The following LDHAL6A variants were observed in gnomAD, a reference collection of about 807,000 sequenced individuals.
LDHAL6A encodes the protein lactate dehydrogenase A like 6A, also known as L-lactate dehydrogenase A-like 6A.
LDHAL6A carries 19 observed loss-of-function variants against 28.2 expected under a neutral mutation model. The ratio of observed to expected loss-of-function variants is 0.67; its 90% CI spans 0.47 to 0.99. LDHAL6A has a LOEUF of 0.99. LDHAL6A is among the 50% of genes least tolerant of loss of function. The pLI is 0.00. For missense variants in LDHAL6A, 372 were observed against 398.6 expected (o/e 0.93, Z 0.57); for synonymous variants, 144 against 134.4 (o/e 1.07, Z -0.49).
chr11:18,460,707 C>T (rs995488585), intron 1 of LDHAL6A, among the ~76,000 whole-genome samples: 1 of 152,026 alleles, frequency 6.6e-6, no homozygotes, highest in Non-Finnish European at 1.5e-5. Context: ...CTGCAGTGAG[C>T]CATGAATGTG....
intron 5 of LDHAL6A, 44 bp downstream of exon 5, chr11:18,476,545 G>A (rs752341101): frequency 6.3e-7 from 1 of 1,597,322 alleles, no homozygotes; most frequent in Non-Finnish European, 8.5e-7. Context: ...GAAGTTGTGA[G>A]CCTGAACTCT....
intron 1 of LDHAL6A, among the ~76,000 whole-genome samples, chr11:18,462,400 G>GTT (rs1565066944): frequency 5.3e-5 from 8 of 151,764 alleles, no homozygotes; most frequent in Non-Finnish European, 1.5e-5. Context: ...CACTTTGGGA[G>GTT]GCAGAGGCGG....
chr11:18,457,754 C>G (rs562299500), intron 1 of LDHAL6A, among the ~76,000 whole-genome samples: 20 of 152,268 alleles, frequency 1.3e-4, no homozygotes, highest in Non-Finnish European at 2.4e-4. Context: ...CCAGGCTGCT[C>G]TCAAACTCCT....
chr11:18,456,563 C>T lies in LDHAL6A; in HGVS notation c.-118C>T, dbSNP rs1237218075. 12 of 840,362 alleles carry T rather than the reference C, an allele frequency of 1.4e-5. No homozygotes were observed. The highest frequency in any genetic ancestry group is 4.9e-4 in the Middle Eastern group (2 of 4,074). 52.1% of individuals were successfully genotyped at this position (840,362 alleles called of 1,614,324 possible). ...TGTGTGTCTGCAGCACCTCCTTCCA[C>T]ACGGGCCCAGGAGTTCTCTATACGC... is the stretch of plus-strand genomic sequence containing the variant. On this transcript the variant is annotated 5_prime_UTR_variant, in exon 1 of 7. Coordinates refer to ENST00000280706, the MANE Select transcript of LDHAL6A (RefSeq NM_144972.5).
At position 18,479,254 on chromosome 11, in the gene LDHAL6A, C is replaced by T. The variant is rs1332421765; in HGVS notation, c.*384C>T. The stretch of plus-strand genomic sequence containing the variant: ...TTGAACTCCCAAAGTGCTGAGATTA[C>T]AGGGGTGAGCCACTGTGCCTGGCCT... On this transcript the variant is annotated 3_prime_UTR_variant, in exon 7 of 7. Coordinates refer to ENST00000280706, the MANE Select transcript of LDHAL6A (RefSeq NM_144972.5). The T allele has an allele frequency of 6.5e-6, 1 of 154,606 alleles. No individual in the cohort carries two copies. The highest frequency in any genetic ancestry group is 1.9e-4 in the East Asian group (1 of 5,268). 9.6% of individuals were successfully genotyped at this position (154,606 alleles called of 1,614,324 possible).
chr11:18,477,574 T>G (rs199671949), intron 5 of LDHAL6A, 46 bp from the exon 6 acceptor site: 71 of 1,538,384 alleles, frequency 4.6e-5, no homozygotes, highest in Admixed American at 1.3e-4. Flanking sequence ...GGAAGTTCAA[T>G]GACAAGTGCA....
At chr11:18,466,989 T>C (rs894238871) in intron 3 of LDHAL6A, among the ~76,000 whole-genome samples, 1 of 152,164 alleles carries the variant, frequency 6.6e-6, no homozygotes, top group Non-Finnish European at 1.5e-5. Context: ...ACTGGGTTGG[T>C]AAATTTACTG....
At chr11:18,472,096 T>G (rs987152079) in intron 3 of LDHAL6A, among the ~76,000 whole-genome samples, 29 of 152,310 alleles carry the variant, frequency 1.9e-4, no homozygotes, top group Non-Finnish European at 4.0e-4. Context: ...GGGACACAGC[T>G]GAGTTACTTG....
chr11:18,462,476 A>C (rs1238642373), intron 1 of LDHAL6A, among the ~76,000 whole-genome samples: 2 of 151,692 alleles, frequency 1.3e-5, no homozygotes, highest in East Asian at 3.9e-4. Flanking sequence ...TCTCTACTAA[A>C]AATACAAAAA....
chr11:18,461,294 G>A (rs759675129), intron 1 of LDHAL6A, among the ~76,000 whole-genome samples: 27 of 151,592 alleles, frequency 1.8e-4, no homozygotes, highest in Non-Finnish European at 3.7e-4. Context: ...ACAGGTGCAT[G>A]CCAACACGCC....
At chr11:18,468,701 G>C (rs1022522731) in intron 3 of LDHAL6A, 1 of 152,248 alleles carries the variant, frequency 6.6e-6, no homozygotes, top group East Asian at 1.9e-4. Flanking sequence ...ATAATTTTCT[G>C]CTCCTCTCCC....
chr11:18,476,576 C>G, intron 5 of LDHAL6A, 75 bp downstream of exon 5: 2 of 1,535,524 alleles, frequency 1.3e-6, no homozygotes, highest in African/African-American at 2.8e-5. Context: ...TGAGATTAGT[C>G]CCTTAAATAT....
intron 2 of LDHAL6A, among the ~76,000 whole-genome samples, chr11:18,464,968 G>GTTTTT (rs1565068644): frequency 6.4e-3 from 24 of 3,778 alleles, no homozygotes; most frequent in African/African-American, 0.011. Context: ...GAGGTGAGGT[G>GTTTTT]TTTTTTTTGT....
Position 18,476,370 on chromosome 11 carries a change from T to C in LDHAL6A, c.593-14T>C. On this transcript the variant is annotated splice_polypyrimidine_tract_variant and intron_variant, in intron 4 of 6. Transcript: ENST00000280706. ...ACCATGTAAGAAGTGGGATTTTGGG[T>C]GTCTCTTTCTTAGTTCCTGTGTGGA... 1 of 1,607,304 alleles carries C rather than the reference T, an allele frequency of 6.2e-7. No homozygotes were observed. Among genetic ancestry groups the C allele is most frequent in the Non-Finnish European group, 8.5e-7 (1 of 1,177,750 alleles).
chr11:18,458,692 G>T (rs1225139421), intron 1 of LDHAL6A, among the ~76,000 whole-genome samples: 1 of 152,136 alleles, frequency 6.6e-6, no homozygotes, highest in Non-Finnish European at 1.5e-5. Flanking sequence ...GGAATTTGTG[G>T]TATGAACCTT....
In LDHAL6A at chr11:18,479,010, CTTT is replaced by C. The variant is rs796410247; in HGVS notation, c.*150_*152del. 8 of 558,016 alleles carry C rather than the reference CTTT, an allele frequency of 1.4e-5. No individual in the cohort carries two copies. The highest frequency in any genetic ancestry group is 5.1e-5 in the South Asian group (2 of 38,942). The allele number at this position is 558,016 out of a possible 1,614,324, so 34.6% of individuals were successfully genotyped here. A position where few individuals can be genotyped will look rare whatever the true frequency, so the allele number is the denominator to read the frequency against. ...TGACCTATTTAGTATAGCCTTCCAG[CTTT>C]TTTTTTTTTCTTTTTTGGGAGGGTC... On this transcript the variant is annotated 3_prime_UTR_variant, in exon 7 of 7. Coordinates refer to ENST00000280706, the MANE Select transcript of LDHAL6A (RefSeq NM_144972.5).
intron 5 of LDHAL6A, among the ~76,000 whole-genome samples, chr11:18,476,853 A>G (rs1332488391): frequency 6.6e-6 from 1 of 152,166 alleles, no homozygotes; most frequent in African/African-American, 2.4e-5. Context: ...ATGTTTAACC[A>G]CTGTGGCAGG....
At chr11:18,468,049 GTATATATATATACATATATA>G (rs1849162242) in intron 3 of LDHAL6A, among the ~76,000 whole-genome samples, 10 of 11,214 alleles carry the variant, frequency 8.9e-4, no homozygotes, top group African/African-American at 1.5e-3. Context: ...ATATATATAC[GTATATATATATACATATATA>G]TATATATATT....
chr11:18,464,085 G>A lies in LDHAL6A; in HGVS notation c.244+7G>A. The A allele has an allele frequency of 2.0e-6, 3 of 1,518,798 alleles. No individual in the cohort carries two copies. The highest frequency in any genetic ancestry group is 2.7e-6 in the Non-Finnish European group (3 of 1,093,338). 94.1% of individuals were successfully genotyped at this position (1,518,798 alleles called of 1,614,324 possible). The stretch of plus-strand genomic sequence containing the variant: ...AATATTGTCTCCAGCAAAGGTTAAT[G>A]TCATAGTTAAATACTATAAATATTC... On this transcript the variant is annotated splice_region_variant and intron_variant, in intron 2 of 6. Coordinates refer to ENST00000280706, the MANE Select transcript of LDHAL6A (RefSeq NM_144972.5).
Sources: allele counts gnomAD v4.1 joint callset (sites outside exome capture counted in the v4.1 genomes callset), GRCh38; gene constraint gnomAD v4.1.1; transcripts MANE v1.5; gene names NCBI Gene and HGNC (gene_info 2026-07-23, HGNC 2026-07-21).